The following KCND3 variants were observed in gnomAD, a reference collection of about 807,000 sequenced individuals.
KCND3 encodes A-type voltage-gated potassium channel KCND3.
A neutral mutation model predicts 51.1 loss-of-function variants in KCND3; 9 were observed. The observed-to-expected ratio is 0.18, with a 90% CI of 0.11 to 0.31. The LOEUF is 0.31. Among genes scored for constraint, KCND3 ranks in the 10% least tolerant of loss-of-function variants. The pLI is 1.00. For missense variants in KCND3, 526 were observed against 903.8 expected, an observed-to-expected ratio of 0.58 and a Z score of 5.36; for synonymous variants, 349 against 368.0, an observed-to-expected ratio of 0.95 and a Z score of 0.59.
chr1:111,831,303 T>C (rs1472536565), intron 2 of KCND3, among the ~76,000 whole-genome samples: 1 of 152,232 alleles, frequency 6.6e-6, no homozygotes, highest in African/African-American at 2.4e-5. Flanking sequence ...TAATCCCCAA[T>C]GTCAGAGGAG....
At chr1:111,849,028 G>A (rs1425760839) in intron 2 of KCND3, among the ~76,000 whole-genome samples, 2 of 151,432 alleles carry the variant, frequency 1.3e-5, no homozygotes, top group Admixed American at 6.6e-5. Context: ...CTTCTCCCCC[G>A]CCGCTCCCTG....
At chr1:111,869,624 T>C (rs1232522307) in intron 2 of KCND3, among the ~76,000 whole-genome samples, 1 of 152,220 alleles carries the variant, frequency 6.6e-6, no homozygotes, top group Non-Finnish European at 1.5e-5. Flanking sequence ...ACATGCACTA[T>C]GTTCTCTCAT....
rs115820250 is a variant in KCND3, at chr1:111,973,615, C to T, written c.1106+8006G>A. On this transcript the variant is annotated intron_variant, in intron 2 of 7. Coordinates refer to ENST00000302127, the MANE Select transcript of KCND3 (RefSeq NM_001378969.1). ...ATGTAGGGGGGAAGTTCCCCTTTTC[C>T]ACTTCTGAAGCAAACAAATATCACA... 7.7e-3 allele frequency among the ~76,000 whole-genome samples: 1,170 copies of T among 152,322 alleles called. 17 individuals carry two copies. The highest frequency in any genetic ancestry group is 0.027 in the African/African-American group (1,106 of 41,554).
rs1663990356 is a variant in KCND3, at chr1:111,773,350, G to T, written c.*2727C>A. 6.7e-6 allele frequency: 1 copy of T among 150,068 alleles called. No homozygotes were observed. The highest frequency in any genetic ancestry group is 1.5e-5 in the Non-Finnish European group (1 of 67,718). 9.3% of individuals were successfully genotyped at this position (150,068 alleles called of 1,614,324 possible). A position where few individuals can be genotyped will look rare whatever the true frequency, so the allele number is the denominator to read the frequency against. ...CACTATTCTAACCCTGTAATGATCT[G>T]TTCTTAAATTCATCACAGGAAGTTT... On this transcript the variant is annotated 3_prime_UTR_variant, in exon 8 of 8. Coordinates refer to ENST00000302127, the MANE Select transcript of KCND3 (RefSeq NM_001378969.1).
intron 2 of KCND3, among the ~76,000 whole-genome samples, chr1:111,826,282 C>T (rs186210807): frequency 1.3e-5 from 2 of 152,270 alleles, no homozygotes; most frequent in East Asian, 3.9e-4. Flanking sequence ...TTAGAGGTTT[C>T]CCAGGTAGCC....
chr1:111,837,061 T>C (rs779210989), intron 2 of KCND3, among the ~76,000 whole-genome samples: 9 of 152,230 alleles, frequency 5.9e-5, no homozygotes, highest in Non-Finnish European at 7.3e-5. Context: ...CATTTCCATA[T>C]GTATTAAGTC....
chr1:111,954,352 C>T (rs1445828313), intron 2 of KCND3, among the ~76,000 whole-genome samples: 1 of 152,140 alleles, frequency 6.6e-6, no homozygotes, highest in East Asian at 1.9e-4. Flanking sequence ...CTGTGGTAGG[C>T]AGAGCCAGGG....
chr1:111,794,278 C>T (rs1177251500), intron 2 of KCND3, among the ~76,000 whole-genome samples: 1 of 152,256 alleles, frequency 6.6e-6, no homozygotes, highest in Non-Finnish European at 1.5e-5. Context: ...CAATTAATTG[C>T]TCCCTTCATT....
intron 2 of KCND3, among the ~76,000 whole-genome samples, chr1:111,927,905 C>T (rs1288706550): frequency 1.3e-5 from 2 of 152,164 alleles, no homozygotes; most frequent in Non-Finnish European, 2.9e-5. Flanking sequence ...TGTCTGCTCC[C>T]CATGTCTGGG....
chr1:111,963,559 G>A lies in KCND3; in HGVS notation c.1106+18062C>T, dbSNP rs573055637. ...CACTGAGAACATGACCTGGTCCACC[G>A]TATGAGGATTTTCCTGTCATTATTA... On this transcript the variant is annotated intron_variant, in intron 2 of 7. Transcript: ENST00000302127. 1.4e-4 allele frequency among the ~76,000 whole-genome samples: 22 copies of A among 152,344 alleles called. No homozygotes were observed. The East Asian group carries it at 1.5e-3, about 11-fold the overall frequency.
intron 2 of KCND3, among the ~76,000 whole-genome samples, chr1:111,888,343 A>C (rs576493201): frequency 1.3e-5 from 2 of 152,354 alleles, no homozygotes; most frequent in South Asian, 4.1e-4. Context: ...GAGGGCAAAG[A>C]TTACAGAGAG....
chr1:111,965,284 G>C (rs11102365), intron 2 of KCND3, among the ~76,000 whole-genome samples: 30,013 of 151,834 alleles, frequency 0.2, 3,172 homozygotes, highest in East Asian at 0.3. Context: ...TCTGGTGTGA[G>C]AGAAGGGTCA....
chr1:111,799,278 C>A (rs11102333), intron 2 of KCND3, among the ~76,000 whole-genome samples: 24,958 of 152,122 alleles, frequency 0.16, 2,184 homozygotes, highest in Admixed American at 0.22. Flanking sequence ...CCTCCCCAAA[C>A]ACTTCAGGTA....
At chr1:111,819,058 C>T (rs575256706) in intron 2 of KCND3, among the ~76,000 whole-genome samples, 1 of 152,174 alleles carries the variant, frequency 6.6e-6, no homozygotes, top group Non-Finnish European at 1.5e-5. Context: ...TGCAGTGGCA[C>T]CATCACAGTC....
At chr1:111,798,732 T>C (rs1665165989) in intron 2 of KCND3, among the ~76,000 whole-genome samples, 1 of 151,228 alleles carries the variant, frequency 6.6e-6, no homozygotes, top group Non-Finnish European at 1.5e-5. Flanking sequence ...TCAAGACATC[T>C]GTTGAATGAG....
At chr1:111,806,245 G>A (rs1405310601) in intron 2 of KCND3, among the ~76,000 whole-genome samples, 2 of 152,234 alleles carry the variant, frequency 1.3e-5, no homozygotes, top group Non-Finnish European at 2.9e-5. Flanking sequence ...TGTCTGCACA[G>A]CCTGGCCTGC....
At chr1:111,957,691 G>C (rs947598746) in intron 2 of KCND3, among the ~76,000 whole-genome samples, 2 of 152,170 alleles carry the variant, frequency 1.3e-5, no homozygotes, top group African/African-American at 2.4e-5. Context: ...CTGGTGTCAG[G>C]CTCCTGCCCT....
intron 2 of KCND3, among the ~76,000 whole-genome samples, chr1:111,846,418 T>TCTGCTG (rs55653915): frequency 0.02 from 3,054 of 150,768 alleles, 67 homozygotes; most frequent in African/African-American, 0.054. Context: ...CATGACACTC[T>TCTGCTG]CTGCTGCTGC....
intron 2 of KCND3, among the ~76,000 whole-genome samples, chr1:111,920,236 G>C (rs915859379): frequency 2.0e-5 from 3 of 152,162 alleles, no homozygotes; most frequent in African/African-American, 7.2e-5. Context: ...CCTTGGGGAG[G>C]GCAGGGCATG....
Sources: gnomAD v4.1 joint callset for allele counts (sites outside exome capture counted in the v4.1 genomes callset) on GRCh38, gnomAD v4.1.1 for gene constraint, MANE v1.5 for transcripts, NCBI Gene and HGNC (gene_info 2026-07-23, HGNC 2026-07-21) for gene names.